The following RPL18 variants were observed in gnomAD, a reference collection of about 807,000 sequenced individuals.
The protein encoded by RPL18 is ribosomal protein L18, also known as large ribosomal subunit protein eL18.
A neutral mutation model predicts 25.0 loss-of-function variants in RPL18; 4 were observed. The ratio of observed to expected loss-of-function variants is 0.16; its 90% confidence interval spans 0.08 to 0.37. RPL18 has a LOEUF of 0.37. RPL18 is among the 10% of genes least tolerant of loss of function. RPL18 has a pLI of 1.00. For synonymous variants in RPL18, 129 were observed against 101.6 expected (o/e 1.27, Z -1.62); for missense variants, 179 against 267.9 (o/e 0.67, Z 2.32).
At chr19:48,617,673 A>C in intron 2 of RPL18, 118 bp downstream of exon 2, 1 of 788,164 alleles carries the variant, frequency 1.3e-6, no homozygotes, top group Non-Finnish European at 2.1e-6. Context: ...GAACAGAACC[A>C]GAGACCCGAG....
intron 4 of RPL18, chr19:48,616,414 G>C (rs916072590): frequency 1.5e-4 from 98 of 663,460 alleles, no homozygotes; most frequent in Middle Eastern, 1.2e-3. Flanking sequence ...ACTACAGCAA[G>C]GAAGCTGGGC....
rs757920861 is a variant in RPL18, at chr19:48,616,833, G to A, written c.199-9C>T. On this transcript the variant is annotated splice_polypyrimidine_tract_variant and intron_variant, in intron 3 of 6. Transcript: ENST00000549920. Reference sequence around the variant, plus strand: ...AGCTTCATCTTCCGGATCTTAGGGTGGGGAGGATGTACGTCGTAAGTTGTT... The same window carrying A: ...AGCTTCATCTTCCGGATCTTAGGGTAGGGAGGATGTACGTCGTAAGTTGTT... The A allele has an allele frequency of 9.4e-5, 151 of 1,602,792 alleles. No individual in the cohort carries two copies. The highest frequency in any genetic ancestry group is 2.0e-4 in the Admixed American group (12 of 59,964).
chr19:48,617,935 A>G, intron 1 of RPL18, 58 bp from the exon 2 acceptor site: 1 of 1,318,408 alleles, frequency 7.6e-7, no homozygotes, highest in South Asian at 1.2e-5. Flanking sequence ...GCCAATTATT[A>G]CTTATTTCTG....
Position 48,616,038 on chromosome 19 carries a change from C to A in RPL18, c.421+41G>T, listed in dbSNP as rs780030838. On this transcript the variant is annotated intron_variant, in intron 5 of 6. Coordinates refer to ENST00000549920, the MANE Select transcript of RPL18 (RefSeq NM_000979.4). ...CAGGAGGGTGAAGGCTGCCAGTAGC[C>A]ACACAGCTCAGTCCAAACCCGTCGA... 16 of 1,613,820 alleles carry A rather than the reference C, an allele frequency of 9.9e-6. No homozygotes were observed. The African/African-American group carries it at 2.0e-4, about 20-fold the overall frequency.
At chr19:48,617,064 G>C in intron 3 of RPL18, 1 of 702,820 alleles carries the variant, frequency 1.4e-6, no homozygotes, top group Non-Finnish European at 2.6e-6. Context: ...ACTCAGTTAT[G>C]ACTTGGGGCA....
chr19:48,616,376 C>A, intron 4 of RPL18, 174 bp from the exon 5 acceptor site: 1 of 721,318 alleles, frequency 1.4e-6, no homozygotes, highest in Non-Finnish European at 2.3e-6. Flanking sequence ...GGAACTTTCA[C>A]CACCACATCC....
chr19:48,616,667 C>T (rs958209744), intron 4 of RPL18, 59 bp downstream of exon 4: 2 of 1,180,996 alleles, frequency 1.7e-6, no homozygotes, highest in Non-Finnish European at 2.5e-6. Flanking sequence ...CACAGCACAG[C>T]ACAGCACAGC....
At chr19:48,616,917 T>C in intron 3 of RPL18, 93 bp from the exon 4 acceptor site, 1 of 913,276 alleles carries the variant, frequency 1.1e-6, no homozygotes, top group Non-Finnish European at 1.8e-6. Flanking sequence ...CTGTGCCCTC[T>C]AACGGGACCC....
At chr19:48,617,956 C>G in intron 1 of RPL18, 79 bp from the exon 2 acceptor site, 5 of 1,142,172 alleles carry the variant, frequency 4.4e-6, no homozygotes, top group Non-Finnish European at 6.6e-6. Context: ...AAACTGAGAG[C>G]TGGGACACAA....
intron 1 of RPL18, 121 bp downstream of exon 1, chr19:48,619,020 T>C: frequency 9.5e-7 from 1 of 1,047,986 alleles, no homozygotes; most frequent in Admixed American, 2.0e-5. Flanking sequence ...GTCCCCAGTA[T>C]CGGGAATTGC....
chr19:48,617,533 C>T (rs1335181202), intron 2 of RPL18, 110 bp from the exon 3 acceptor site: 2 of 883,794 alleles, frequency 2.3e-6, no homozygotes, highest in Non-Finnish European at 3.6e-6. Flanking sequence ...TTATCCCTTT[C>T]CCCCAACCCA....
At chr19:48,615,833 G>A in intron 6 of RPL18, 44 bp downstream of exon 6, 1 of 1,542,868 alleles carries the variant, frequency 6.5e-7, no homozygotes, top group Non-Finnish European at 8.8e-7. Context: ...TGGCCCTGCA[G>A]GCTGAGTCTG....
At chr19:48,616,995 T>TAAA in intron 3 of RPL18, 171 bp from the exon 4 acceptor site, 1 of 593,334 alleles carries the variant, frequency 1.7e-6, no homozygotes, top group Non-Finnish European at 3.1e-6. Context: ...AAGCTCCAGA[T>TAAA]AAAAAAAAAA....
intron 4 of RPL18, 153 bp from the exon 5 acceptor site, chr19:48,616,355 TC>T (rs1295231037): frequency 1.1e-6 from 1 of 888,568 alleles, no homozygotes. Context: ...GCAGCAGTTC[TC>T]AACACTTCCG....
At chr19:48,615,758 G>A in intron 6 of RPL18, 119 bp downstream of exon 6, 3 of 898,946 alleles carry the variant, frequency 3.3e-6, no homozygotes, top group Middle Eastern at 3.2e-4. Context: ...GCAGCTGAGA[G>A]TTCCAGAAGG....
At chr19:48,617,987 G>C (rs937263043) in intron 1 of RPL18, 110 bp from the exon 2 acceptor site, 2 of 775,978 alleles carry the variant, frequency 2.6e-6, no homozygotes, top group African/African-American at 1.7e-5. Context: ...GAACACACCA[G>C]CTCAAATCCC....
In RPL18 at chr19:48,618,476, C is replaced by T. The variant is rs1032704283; in HGVS notation, c.4-599G>A. On this transcript the variant is annotated intron_variant, in intron 1 of 6. Coordinates refer to ENST00000549920, the MANE Select transcript of RPL18 (RefSeq NM_000979.4). ...GCCTCGCCAGGCTCCTACCGCCCTG[C>T]TGCCTTTCTGAGCAACTTAAGTTTT... The T allele has an allele frequency of 2.6e-5, 4 of 154,720 alleles. No individual in the cohort carries two copies. The East Asian group carries it at 7.7e-4, about 30-fold the overall frequency. 9.6% of individuals were successfully genotyped at this position (154,720 alleles called of 1,614,324 possible). A position where few individuals can be genotyped will look rare whatever the true frequency, so the allele number is the denominator to read the frequency against.
chr19:48,617,806 C>T lies in RPL18; in HGVS notation c.75G>A (p.Leu25=), dbSNP rs755362163. The T allele has an allele frequency of 2.5e-6, 4 of 1,613,890 alleles. No homozygotes were observed. The South Asian group carries it at 4.4e-5, about 18-fold the overall frequency. ...RKEPKSQDIY[L]RLLVKLYRFL... The stretch of plus-strand genomic sequence containing the variant: ...CCAGCCTCACCTTGACCAACAGCCT[C>T]AGGTAGATATCCTGGCTCTTGGGCT... Residue 25 remains leucine, a synonymous_variant, in exon 2 of 7, where the codon CTG becomes CTA. Coordinates refer to ENST00000549920, the MANE Select transcript of RPL18 (RefSeq NM_000979.4).
chr19:48,616,860 T>C (rs1161207879), intron 3 of RPL18, 36 bp from the exon 4 acceptor site: 4 of 1,526,404 alleles, frequency 2.6e-6, no homozygotes, highest in Non-Finnish European at 3.6e-6. Context: ...TAAGTTGTTC[T>C]GGTGTTTACA....
Sources: allele counts gnomAD v4.1 joint callset, GRCh38; gene constraint gnomAD v4.1.1; transcripts MANE v1.5; gene names NCBI Gene and HGNC (gene_info 2026-07-23, HGNC 2026-07-21).